PNPLA6: variants seen among roughly 807,000 people sequenced by gnomAD.
PNPLA6 encodes patatin like domain 6, lysophospholipase.
Under a neutral mutation model 153.7 loss-of-function variants are expected in PNPLA6, and 105 were observed. The ratio of observed to expected loss-of-function variants is 0.68; its 90% CI spans 0.58 to 0.80. The LOEUF (loss-of-function observed/expected upper bound fraction) is 0.80, where lower values mean the gene tolerates loss of function less well. PNPLA6 is among the 30% of genes least tolerant of loss of function. PNPLA6 has a pLI of 0.00. For missense variants in PNPLA6, 1,423 were observed against 1,919.3 expected (o/e 0.74, Z 4.83); for synonymous variants, 825 against 822.2 (o/e 1.00, Z -0.06).
chr19:7,543,443 G>T (rs2023246711), intron 13 of PNPLA6, among the ~76,000 whole-genome samples: 1 of 152,250 alleles, frequency 6.6e-6, no homozygotes, highest in African/African-American at 2.4e-5. Context: ...CCGCTGCCAG[G>T]ATAGGGGCTC....
At position 7,541,699 on chromosome 19, in the gene PNPLA6, G is replaced by T; in HGVS notation, c.1168+15G>T. 6.4e-7 allele frequency: 1 copy of T among 1,556,762 alleles called. No homozygotes were observed. On this transcript the variant is annotated intron_variant, in intron 9 of 31. Coordinates refer to ENST00000600737, the MANE Select transcript of PNPLA6 (RefSeq NM_001166114.2). The surrounding 1 kb of genome is among the most constrained non-coding windows in gnomAD (Gnocchi z 5.2). ...TGGACCTACAGGTACCCAGGGACCC[G>T]AGGCCAGCCGAGCCCAATCTCCCAG...
chr19:7,557,642 A>G (rs503336), intron 27 of PNPLA6: 209,587 of 355,104 alleles, frequency 0.59, 62,848 homozygotes, highest in Admixed American at 0.65. Flanking sequence ...AAAATTAACC[A>G]GGCTGGTGGG....
At position 7,551,378 on chromosome 19, in the gene PNPLA6, T is replaced by C; in HGVS notation, c.2201T>C (p.Ile734Thr). 1.2e-6 allele frequency: 2 copies of C among 1,614,010 alleles called. No individual in the cohort carries two copies. Among genetic ancestry groups the C allele is most frequent in the Non-Finnish European group, 1.7e-6 (2 of 1,179,990 alleles). The change falls in exon 18 of 32, where the codon ATC (isoleucine) becomes ACC (threonine). Residue 734 changes from isoleucine to threonine, a missense_variant. Coordinates refer to ENST00000600737, the MANE Select transcript of PNPLA6 (RefSeq NM_001166114.2). Reference sequence around the variant, plus strand: ...CGCCCCCAGGTCGTGACCCGCCTTATCCACCTACTGAGCCAGAAAATTCTA... The same window carrying C: ...CGCCCCCAGGTCGTGACCCGCCTTACCCACCTACTGAGCCAGAAAATTCTA... ...RRYPQVVTRL[I>T]HLLSQKILGN...
chr19:7,540,743 G>C lies in PNPLA6; in HGVS notation c.795+33G>C. 1 of 1,580,616 alleles carries C rather than the reference G, an allele frequency of 6.3e-7. No homozygotes were observed. Among genetic ancestry groups the C allele is most frequent in the South Asian group, 1.1e-5 (1 of 90,404 alleles). The stretch of plus-strand genomic sequence containing the variant: ...ACCAGTTTCTGAGGCAGGGGGGCTG[G>C]GGTGCAAGGTCCCACCCAAGGGACT... On this transcript the variant is annotated intron_variant, in intron 6 of 31. Coordinates refer to ENST00000600737, the MANE Select transcript of PNPLA6 (RefSeq NM_001166114.2). This position sits in a 1 kb window ranked among gnomAD's most constrained non-coding sequence, Gnocchi z 6.8.
intron 13 of PNPLA6, among the ~76,000 whole-genome samples, chr19:7,544,479 AG>A (rs764346885): frequency 2.0e-5 from 3 of 152,204 alleles, no homozygotes; most frequent in African/African-American, 4.8e-5. Context: ...GGTAGAGATC[AG>A]GGATGCTCAA....
At chr19:7,551,932 C>A (rs1452734923) in intron 18 of PNPLA6, among the ~76,000 whole-genome samples, 3 of 151,794 alleles carry the variant, frequency 2.0e-5, no homozygotes, top group Non-Finnish European at 4.4e-5. Context: ...ATAGTAGGAC[C>A]CCCGTCTCTA....
chr19:7,542,216 T>C (rs2023182459), intron 10 of PNPLA6, 149 bp downstream of exon 10: 1 of 686,902 alleles, frequency 1.5e-6, no homozygotes, highest in African/African-American at 1.8e-5. Context: ...TTCATTGAGA[T>C]AGTGCTTCTC....
Position 7,540,791 on chromosome 19 carries a change from C to T in PNPLA6, c.795+81C>T, listed in dbSNP as rs1011652907. On this transcript the variant is annotated intron_variant, in intron 6 of 31. Coordinates refer to ENST00000600737, the MANE Select transcript of PNPLA6 (RefSeq NM_001166114.2). This position sits in a 1 kb window ranked among gnomAD's most constrained non-coding sequence, Gnocchi z 6.8. ...ACTAGGTTGAAGGAAATCACAGGGT[C>T]CCCAATCTCTGGTTCATCCGTTATG... is the stretch of plus-strand genomic sequence containing the variant. The T allele has an allele frequency of 9.1e-6, 14 of 1,543,330 alleles. No homozygotes were observed. The African/African-American group carries it at 1.1e-4, about 12-fold the overall frequency.
Position 7,541,231 on chromosome 19 carries a change from C to A in PNPLA6, c.925-123C>A. 1 of 1,116,022 alleles carries A rather than the reference C, an allele frequency of 9.0e-7. No homozygotes were observed. The allele number at this position is 1,116,022 out of a possible 1,614,324, so 69.1% of individuals were successfully genotyped here. ...CCCTTAGCTGCCTCGCCCCATTTCC[C>A]CAGACTGTGGGTCTCTCCCTGGTTC... is the stretch of plus-strand genomic sequence containing the variant. On this transcript the variant is annotated intron_variant, in intron 7 of 31. Coordinates refer to ENST00000600737, the MANE Select transcript of PNPLA6 (RefSeq NM_001166114.2). This position sits in a 1 kb window ranked among gnomAD's most constrained non-coding sequence, Gnocchi z 5.2.
chr19:7,561,157 A>G (rs372737449), intron 30 of PNPLA6, 47 bp downstream of exon 30: 5 of 1,584,824 alleles, frequency 3.2e-6, no homozygotes, highest in Non-Finnish European at 4.3e-6. Flanking sequence ...GTGGCTGGAG[A>G]TGGCAGGCCA....
chr19:7,542,690 C>G lies in PNPLA6; in HGVS notation c.1362+20C>G, dbSNP rs752864354. On this transcript the variant is annotated intron_variant, in intron 11 of 31. Transcript: ENST00000600737. ...GCTCGGGTAAGGCTTGGGACCCTGC[C>G]CGGTGGTGGAGCCCGCAGGGGAAGG... 9 of 1,612,074 alleles carry G rather than the reference C, an allele frequency of 5.6e-6. No individual in the cohort carries two copies. In the South Asian group the frequency reaches 9.9e-5, roughly 18 times the overall value.
At chr19:7,538,709 G>T (rs947615993) in intron 3 of PNPLA6, among the ~76,000 whole-genome samples, 1 of 152,196 alleles carries the variant, frequency 6.6e-6, no homozygotes, top group Non-Finnish European at 1.5e-5. Flanking sequence ...CAGAGGGGCT[G>T]TCTCAAGGTT....
chr19:7,552,580 A>AC (rs2023698783), intron 18 of PNPLA6, among the ~76,000 whole-genome samples: 1 of 151,794 alleles, frequency 6.6e-6, no homozygotes, highest in African/African-American at 2.4e-5. Flanking sequence ...ACGTGGTGAA[A>AC]CTCATCTCTA....
intron 26 of PNPLA6, 163 bp from the exon 27 acceptor site, chr19:7,557,005 G>GC (rs1244454088): frequency 1.3e-6 from 1 of 763,590 alleles, no homozygotes; most frequent in African/African-American, 1.7e-5. Flanking sequence ...GCCTCCTACT[G>GC]CCCCTACCTG....
At chr19:7,535,695 G>T (rs963999674), upstream of PNPLA6, 19 of 1,525,460 alleles carry the variant, frequency 1.2e-5, no homozygotes, top group Admixed American at 3.8e-4. The surrounding 1 kb of genome is among the most constrained non-coding windows in gnomAD (Gnocchi z 5.0). Context: ...GTCCGCTCGG[G>T]CGGAACTACG....
In PNPLA6 at chr19:7,541,372, C is replaced by A; in HGVS notation, c.943C>A (p.Gln315Lys). 1 of 1,613,830 alleles carries A rather than the reference C, an allele frequency of 6.2e-7. No homozygotes were observed. The highest frequency in any genetic ancestry group is 1.1e-5 in the South Asian group (1 of 91,076). ...CCTGCAGATCATCATGGTGCGGCTGCAGCGAGTCACCTTCCTGGCACTGCA... is the reference window on the plus strand; with the variant it reads ...CCTGCAGATCATCATGGTGCGGCTGAAGCGAGTCACCTTCCTGGCACTGCA... ...RVVQIIMVRLQRVTFLALHNY... is the reference protein window; with the variant it reads ...RVVQIIMVRLKRVTFLALHNY... Residue 315 changes from glutamine to lysine, a missense_variant, in exon 8 of 32, where the codon CAG becomes AAG. Physicochemically the swap from Gln to Lys is moderately conservative, Grantham distance 53 (BLOSUM62 1). This residue lies in a region of PNPLA6 where 118 missense variants were observed against 158.8 expected (regional missense o/e 0.74). Transcript: ENST00000600737. This position sits in a 1 kb window ranked among gnomAD's most constrained non-coding sequence, Gnocchi z 5.2.
Position 7,559,825 on chromosome 19 carries a change from C to T in PNPLA6, c.3699+674C>T, listed in dbSNP as rs144237172. Among the ~76,000 whole-genome samples, 235 of 150,030 alleles carry T rather than the reference C, an allele frequency of 1.6e-3. 2 individuals carry two copies. The East Asian group carries it at 0.04, about 26-fold the overall frequency. On this transcript the variant is annotated intron_variant, in intron 28 of 31. Transcript: ENST00000600737. The stretch of plus-strand genomic sequence containing the variant: ...CGTCACTGCACTCCAGCCTGGGTGA[C>T]AGAGCAAAACTCTGTCTCTAAGAAA...
At position 7,540,843 on chromosome 19, in the gene PNPLA6, C is replaced by T. The variant is rs572564433; in HGVS notation, c.796-80C>T. ...TGCCGATGGCCCCTCACGGGACTGG[C>T]GCCAGGAAGGATTAGGGGAGTAGCG... On this transcript the variant is annotated intron_variant, in intron 6 of 31. Transcript: ENST00000600737. This position sits in a 1 kb window ranked among gnomAD's most constrained non-coding sequence, Gnocchi z 6.8. The T allele has an allele frequency of 3.6e-5, 58 of 1,594,730 alleles. 1 individual carries two copies. The Admixed American group carries it at 4.8e-4, about 13-fold the overall frequency.
rs563644845 is a variant in PNPLA6, at chr19:7,557,348, G to A, written c.3397+64G>A. ...TCCCGCACCACACACACGCACACGC[G>A]TGGGCACACACAGACAGGCTCGATG... On this transcript the variant is annotated intron_variant, in intron 27 of 31. Transcript: ENST00000600737. 23 of 1,008,348 alleles carry A rather than the reference G, an allele frequency of 2.3e-5. No individual in the cohort carries two copies. In the African/African-American group the frequency reaches 2.4e-4, roughly 10 times the overall value. 62.5% of individuals were successfully genotyped at this position (1,008,348 alleles called of 1,614,324 possible).
Sources: gnomAD v4.1 joint callset for allele counts (sites outside exome capture counted in the v4.1 genomes callset) on GRCh38, gnomAD v4.1.1 for gene constraint, gnomAD v4.1.1 regional missense constraint, Gnocchi (gnomAD v3.1) non-coding constraint, MANE v1.5 for transcripts, NCBI Gene and HGNC (gene_info 2026-07-23, HGNC 2026-07-21) for gene names.